Variants in CACNA2D3 observed in about 807,000 individuals in gnomAD.
CACNA2D3 encodes voltage-dependent calcium channel subunit alpha-2/delta-3.
CACNA2D3 carries 60 observed loss-of-function variants against 160.6 expected under a neutral mutation model. The ratio of observed to expected loss-of-function variants is 0.37; its 90% CI spans 0.30 to 0.46. The LOEUF (loss-of-function observed/expected upper bound fraction) is 0.46. Ranked by LOEUF, CACNA2D3 falls within the 20% of genes least tolerant of loss-of-function variation. The pLI, the probability that CACNA2D3 is intolerant of heterozygous loss-of-function variation, is 1.00. For synonymous variants in CACNA2D3, 558 were observed against 492.9 expected, an observed-to-expected ratio of 1.13 and a Z score of -1.75; for missense variants, 1,205 against 1,365.0, an observed-to-expected ratio of 0.88 and a Z score of 1.85.
At chr3:54,641,472 T>C (rs938500442) in intron 10 of CACNA2D3, among the ~76,000 whole-genome samples, 11 of 152,174 alleles carry the variant, frequency 7.2e-5, no homozygotes, top group African/African-American at 2.7e-4. Flanking sequence ...ATGGCAAATA[T>C]CTCTTTTCAG....
chr3:54,721,025 CTAT>C (rs1181522047), intron 11 of CACNA2D3, among the ~76,000 whole-genome samples: 1 of 151,920 alleles, frequency 6.6e-6, no homozygotes, highest in Non-Finnish European at 1.5e-5. Flanking sequence ...CAAAATATTT[CTAT>C]TATTCAGTTT....
At chr3:54,604,382 A>G (rs1005328656) in intron 9 of CACNA2D3, among the ~76,000 whole-genome samples, 40 of 152,094 alleles carry the variant, frequency 2.6e-4, no homozygotes, top group African/African-American at 9.4e-4. Context: ...CACACTGCCA[A>G]CCCTGATCTC....
At chr3:54,745,902 G>C (rs1222743391) in intron 11 of CACNA2D3, among the ~76,000 whole-genome samples, 1 of 151,960 alleles carries the variant, frequency 6.6e-6, no homozygotes, top group South Asian at 2.1e-4. Flanking sequence ...GCGTCCCTAA[G>C]GTGACAGTCC....
At chr3:54,457,737 C>T (rs1473074424) in intron 4 of CACNA2D3, among the ~76,000 whole-genome samples, 1 of 151,910 alleles carries the variant, frequency 6.6e-6, no homozygotes, top group African/African-American at 2.4e-5. Context: ...AATATATGTG[C>T]ACACAACCAT....
At chr3:54,897,320 C>G (rs1431424726) in intron 26 of CACNA2D3, among the ~76,000 whole-genome samples, 1 of 152,168 alleles carries the variant, frequency 6.6e-6, no homozygotes, top group Non-Finnish European at 1.5e-5. Flanking sequence ...CATGTGCTCT[C>G]TTGACAGGAG....
At position 55,046,281 on chromosome 3, in the gene CACNA2D3, G is replaced by T. The variant is rs1435252132; in HGVS notation, c.2988-27164G>T. 2.2e-5 allele frequency among the ~76,000 whole-genome samples: 3 copies of T among 133,842 alleles called. No homozygotes were observed. In the East Asian group the frequency reaches 6.3e-4, roughly 28 times the overall value. 87.8% of individuals were successfully genotyped at this position (133,842 alleles called of 152,430 possible). ...CCCACCCCACCACAGTCCCCAGAGT[G>T]TGATATTCCCCTTCCTGTGTCCATG... On this transcript the variant is annotated intron_variant, in intron 35 of 37. Transcript: ENST00000474759.
intron 35 of CACNA2D3, among the ~76,000 whole-genome samples, chr3:55,030,070 C>G (rs1575443085): frequency 6.6e-6 from 1 of 152,182 alleles, no homozygotes; most frequent in South Asian, 2.1e-4. Context: ...CTTATTTTTC[C>G]CCAAGTTTTC....
chr3:55,058,948 A>G (rs944407293), intron 35 of CACNA2D3, among the ~76,000 whole-genome samples: 8 of 152,132 alleles, frequency 5.3e-5, no homozygotes, highest in East Asian at 1.9e-4. Flanking sequence ...CTTTTTTTCT[A>G]TGCAAAACTG....
rs376981506 is a variant in CACNA2D3 at position 54,798,652 on chromosome 3, A to G, written c.1381-18201A>G. 1.8e-4 allele frequency among the ~76,000 whole-genome samples: 28 copies of G among 152,366 alleles called. 1 individual carries two copies. The highest frequency in any genetic ancestry group is 6.3e-4 in the African/African-American group (26 of 41,592). ...TTGGTAAATAGAGAATGATGTTACT[A>G]TAAGACAGAATCTCACTGCGTCATA... On this transcript the variant is annotated intron_variant, in intron 13 of 37. Transcript: ENST00000474759.
At chr3:54,710,659 G>A (rs1171932802) in intron 11 of CACNA2D3, among the ~76,000 whole-genome samples, 1 of 152,170 alleles carries the variant, frequency 6.6e-6, no homozygotes, top group African/African-American at 2.4e-5. Flanking sequence ...AATGGGATTG[G>A]TGAACAGCTT....
chr3:55,026,296 C>T (rs559353201), intron 35 of CACNA2D3, among the ~76,000 whole-genome samples: 1 of 152,152 alleles, frequency 6.6e-6, no homozygotes, highest in African/African-American at 2.4e-5. Context: ...ACTCAGAAAA[C>T]AAATTAGGGT....
chr3:54,418,580 ATAT>A (rs1239465745), intron 4 of CACNA2D3, among the ~76,000 whole-genome samples: 2 of 152,354 alleles, frequency 1.3e-5, no homozygotes, highest in African/African-American at 4.8e-5. Flanking sequence ...TTGCTGATTA[ATAT>A]TCTGGATGAG....
chr3:54,486,868 G>A (rs1410133068), intron 4 of CACNA2D3, among the ~76,000 whole-genome samples: 1 of 152,166 alleles, frequency 6.6e-6, no homozygotes, highest in Non-Finnish European at 1.5e-5. Context: ...TCTGAAACAA[G>A]GGAGGAGAGA....
intron 4 of CACNA2D3, among the ~76,000 whole-genome samples, chr3:54,391,088 G>C (rs1040150284): frequency 3.9e-5 from 6 of 152,108 alleles, no homozygotes; most frequent in Admixed American, 2.0e-4. Context: ...TCCCAAAACA[G>C]AAAAGAGATG....
intron 3 of CACNA2D3, among the ~76,000 whole-genome samples, chr3:54,360,373 A>T (rs961844444): frequency 9.9e-5 from 15 of 152,244 alleles, no homozygotes; most frequent in Admixed American, 6.5e-4. Context: ...AAATTCTAGG[A>T]ATCAATTCTG....
At chr3:54,447,952 A>T (rs1700248037) in intron 4 of CACNA2D3, among the ~76,000 whole-genome samples, 1 of 152,168 alleles carries the variant, frequency 6.6e-6, no homozygotes, top group Non-Finnish European at 1.5e-5. Context: ...TTTAGTGATG[A>T]TATCAGTGGG....
chr3:54,435,076 AC>A (rs888912566), intron 4 of CACNA2D3, among the ~76,000 whole-genome samples: 7 of 152,124 alleles, frequency 4.6e-5, no homozygotes, highest in African/African-American at 1.4e-4. Context: ...ATAGTATACT[AC>A]AAAGTTGATG....
chr3:54,854,390 A>G (rs1402219246), intron 17 of CACNA2D3, among the ~76,000 whole-genome samples: 5 of 152,188 alleles, frequency 3.3e-5, no homozygotes, highest in Non-Finnish European at 7.3e-5. Context: ...TTACAACTCA[A>G]GTCAGTGGGT....
At position 54,503,613 on chromosome 3, in the gene CACNA2D3, G is replaced by C; in HGVS notation, c.503G>C (p.Ser168Thr). 1 of 1,613,900 alleles carries C rather than the reference G, an allele frequency of 6.2e-7. No individual in the cohort carries two copies. The highest frequency in any genetic ancestry group is 1.1e-5 in the South Asian group (1 of 91,082). ...TTTAATAATTTGCCTGTGAACATCA[G>C]TCTAAGTGACGTCCAAGTACCAACG... Reference protein sequence around the residue: ...DHFNNLPVNISLSDVQVPTNM... With the variant: ...DHFNNLPVNITLSDVQVPTNM... The change falls in exon 5 of 38, where the codon AGT (serine) becomes ACT (threonine). Residue 168 changes from serine (S) to threonine (T), a missense_variant. Physicochemically the swap from Ser to Thr is moderately conservative, Grantham distance 58 (BLOSUM62 1). Coordinates refer to ENST00000474759, the MANE Select transcript of CACNA2D3 (RefSeq NM_018398.3).
Sources: gnomAD v4.1 joint callset for allele counts (sites outside exome capture counted in the v4.1 genomes callset) on GRCh38, gnomAD v4.1.1 for gene constraint, MANE v1.5 for transcripts, NCBI Gene and HGNC (gene_info 2026-07-23, HGNC 2026-07-21) for gene names.